RBFOX1: variants seen among roughly 807,000 people sequenced by gnomAD.
RBFOX1 encodes the protein RNA binding fox-1 homolog 1, also known as RNA binding protein fox-1 homolog 1.
RBFOX1 carries 8 observed loss-of-function variants against 57.7 expected under a neutral mutation model. The ratio of observed to expected loss-of-function variants is 0.14; its 90% CI spans 0.08 to 0.25. RBFOX1 has a LOEUF of 0.25. Among genes scored for constraint, RBFOX1 ranks in the 10% least tolerant of loss-of-function variants. The pLI is 1.00. For missense variants in RBFOX1, 611 were observed against 548.5 expected (o/e 1.11, Z -1.14); for synonymous variants, 326 against 222.4 (o/e 1.47, Z -4.15).
chr16:6,962,399 G>C lies in RBFOX1; in HGVS notation c.-15-89658G>C, dbSNP rs527553883. On this transcript the variant is annotated intron_variant, in intron 3 of 15. Coordinates refer to ENST00000550418, the MANE Select transcript of RBFOX1 (RefSeq NM_018723.4). ...AGGACTTCGACTTATCTTTTTAGGA[G>C]ATAAATTCAACCTGCTACAACCTGT... 9.9e-5 allele frequency among the ~76,000 whole-genome samples: 15 copies of C among 152,272 alleles called. No individual in the cohort carries two copies. In the East Asian group the frequency reaches 2.7e-3, roughly 28 times the overall value.
chr16:7,594,700 A>T (rs190364429), intron 7 of RBFOX1, among the ~76,000 whole-genome samples: 41 of 152,284 alleles, frequency 2.7e-4, no homozygotes, highest in Admixed American at 6.5e-4. Context: ...TCTATTAACA[A>T]AGTTTCTTTG....
At chr16:5,956,658 T>TATTTA (rs1597954458) in intron 4 of RBFOX1, among the ~76,000 whole-genome samples, 1 of 101,980 alleles carries the variant, frequency 9.8e-6, no homozygotes, top group Admixed American at 1.3e-4. Flanking sequence ...ATATATATAT[T>TATTTA]TATATATATA....
At chr16:7,455,955 T>G (rs2058428858) in intron 4 of RBFOX1, among the ~76,000 whole-genome samples, 1 of 152,202 alleles carries the variant, frequency 6.6e-6, no homozygotes, top group Non-Finnish European at 1.5e-5. Context: ...GTCCCCTGTT[T>G]GGAAATGTCA....
intron 2 of RBFOX1, among the ~76,000 whole-genome samples, chr16:6,501,786 G>C (rs1214105729): frequency 6.6e-6 from 1 of 151,532 alleles, no homozygotes; most frequent in Non-Finnish European, 1.5e-5. Flanking sequence ...CTGCTAAAAT[G>C]GGTGATTATT....
chr16:6,828,758 G>A (rs1437333593), intron 3 of RBFOX1, among the ~76,000 whole-genome samples: 2 of 152,054 alleles, frequency 1.3e-5, no homozygotes, highest in Admixed American at 1.3e-4. Context: ...CGAGGTCCTA[G>A]GTGACCAGCA....
chr16:7,695,903 C>A (rs923277295), intron 14 of RBFOX1, among the ~76,000 whole-genome samples: 1 of 152,068 alleles, frequency 6.6e-6, no homozygotes, highest in Non-Finnish European at 1.5e-5. Flanking sequence ...TAAAGAGGTG[C>A]TATTGTCACA....
chr16:6,501,657 G>C (rs937680577), intron 2 of RBFOX1, among the ~76,000 whole-genome samples: 1 of 152,054 alleles, frequency 6.6e-6, no homozygotes, highest in African/African-American at 2.4e-5. Flanking sequence ...CATTCTTATA[G>C]ACAAGGGCTC....
chr16:6,712,162 A>G (rs1348561362), intron 3 of RBFOX1, among the ~76,000 whole-genome samples: 2 of 152,188 alleles, frequency 1.3e-5, no homozygotes, highest in Non-Finnish European at 2.9e-5. Context: ...GAGGTGCTCA[A>G]TGAACAGTAG....
chr16:5,970,780 A>G (rs1373122034), intron 4 of RBFOX1, among the ~76,000 whole-genome samples: 5 of 152,210 alleles, frequency 3.3e-5, no homozygotes, highest in Admixed American at 6.5e-5. Flanking sequence ...CTATGACTAT[A>G]TGGCCATGTT....
intron 3 of RBFOX1, among the ~76,000 whole-genome samples, chr16:5,637,377 G>C (rs1408476133): frequency 6.6e-6 from 1 of 152,068 alleles, no homozygotes; most frequent in Admixed American, 6.5e-5. Context: ...GTTTCCAGGG[G>C]GCTCATTTCT....
chr16:6,244,030 G>A (rs775218131), intron 1 of RBFOX1, among the ~76,000 whole-genome samples: 17 of 152,078 alleles, frequency 1.1e-4, no homozygotes, highest in Non-Finnish European at 1.6e-4. Flanking sequence ...TCTTAGAGCC[G>A]TGAGTGATGC....
At chr16:5,705,039 G>A (rs955813269) in intron 3 of RBFOX1, among the ~76,000 whole-genome samples, 2 of 151,918 alleles carry the variant, frequency 1.3e-5, no homozygotes, top group African/African-American at 4.8e-5. Flanking sequence ...TTGACCCACT[G>A]GTATCCATTT....
chr16:7,229,564 G>T (rs1436849732), intron 4 of RBFOX1, among the ~76,000 whole-genome samples: 6 of 147,622 alleles, frequency 4.1e-5, no homozygotes, highest in African/African-American at 1.5e-4. Flanking sequence ...GGAAGGAAGG[G>T]AGGGAGGGGA....
rs898341859 is a variant in RBFOX1, at chr16:5,794,023, T to G, written c.319-73280T>G. ...ACCTCTTAACTGATCTGAACTTCAC[T>G]TTTTTGCATTTCTGTGGTCATTTGT... On this transcript the variant is annotated intron_variant, in intron 3 of 19. Coordinates refer to the RBFOX1 transcript ENST00000641259. 7.2e-5 allele frequency among the ~76,000 whole-genome samples: 11 copies of G among 152,292 alleles called. 1 individual carries two copies. The South Asian group carries it at 1.2e-3, about 17-fold the overall frequency.
chr16:7,503,190 G>C (rs182982142), intron 4 of RBFOX1, among the ~76,000 whole-genome samples: 5 of 152,258 alleles, frequency 3.3e-5, no homozygotes, highest in Admixed American at 2.6e-4. Context: ...TCGTTAGTGT[G>C]ACTTAATGCT....
At chr16:5,530,099 T>C (rs12931047) in intron 2 of RBFOX1, among the ~76,000 whole-genome samples, 106,164 of 151,822 alleles carry the variant, frequency 0.7, 37,688 homozygotes, top group East Asian at 0.88. Flanking sequence ...TTTAAGCCAC[T>C]CAGGCTATGG....
At chr16:5,867,365 G>C in intron 4 of RBFOX1, 1 of 1,166,336 alleles carries the variant, frequency 8.6e-7, no homozygotes, top group Non-Finnish European at 1.1e-6. Context: ...TGTCCCTTTA[G>C]AAGATAGTTT....
At chr16:6,950,385 AC>A (rs2080471654) in intron 3 of RBFOX1, among the ~76,000 whole-genome samples, 2 of 151,256 alleles carry the variant, frequency 1.3e-5, no homozygotes, top group Non-Finnish European at 2.9e-5. Context: ...TCCACCCACC[AC>A]CCACTACCCA....
intron 3 of RBFOX1, among the ~76,000 whole-genome samples, chr16:6,819,705 C>CAAAAAAAAAAAAA (rs1181614275): frequency 9.7e-5 from 2 of 20,634 alleles, no homozygotes; most frequent in African/African-American, 2.1e-4. Context: ...AACTCTGACT[C>CAAAAAAAAAAAAA]AAAAAAAAAA....
Sources: allele counts gnomAD v4.1 joint callset (sites outside exome capture counted in the v4.1 genomes callset), GRCh38; gene constraint gnomAD v4.1.1; transcripts MANE v1.5; gene names NCBI Gene and HGNC (gene_info 2026-07-23, HGNC 2026-07-21).